SNX29: variants seen among roughly 807,000 people sequenced by gnomAD.
SNX29 encodes the protein sorting nexin-29.
SNX29 carries 78 observed loss-of-function variants against 102.1 expected under a neutral mutation model. The ratio of observed to expected loss-of-function variants is 0.76; its 90% confidence interval spans 0.64 to 0.92. The LOEUF (loss-of-function observed/expected upper bound fraction) is 0.92. SNX29 is among the 40% of genes least tolerant of loss of function. The probability of loss-of-function intolerance (pLI) is 0.00; values close to 1 mark genes in which losing one functional copy is unlikely to be tolerated. For synonymous variants in SNX29, 580 were observed against 414.5 expected, an observed-to-expected ratio of 1.40 and a Z score of -4.85; for missense variants, 1,280 against 1,061.7, an observed-to-expected ratio of 1.21 and a Z score of -2.86.
chr16:12,353,173 C>T (rs1030468644), intron 15 of SNX29, among the ~76,000 whole-genome samples: 3 of 152,184 alleles, frequency 2.0e-5, no homozygotes, highest in Non-Finnish European at 2.9e-5. Context: ...TCCCTAAGAT[C>T]CTAGCACTGT....
intron 15 of SNX29, among the ~76,000 whole-genome samples, chr16:12,307,686 G>C (rs763762084): frequency 1.3e-5 from 2 of 152,346 alleles, no homozygotes; most frequent in Middle Eastern, 3.4e-3. Flanking sequence ...CTGGAATGGC[G>C]TGGAGAATCT....
chr16:12,084,104 T>G (rs2052043318), intron 11 of SNX29, among the ~76,000 whole-genome samples: 1 of 152,118 alleles, frequency 6.6e-6, no homozygotes, highest in South Asian at 2.1e-4. Flanking sequence ...TGCAAGGCCC[T>G]CTGGTACTTC....
intron 20 of SNX29, among the ~76,000 whole-genome samples, chr16:12,553,977 A>G (rs1433038580): frequency 2.0e-5 from 3 of 152,060 alleles, no homozygotes. Flanking sequence ...ACAGGCATCC[A>G]CCACATTTGG....
chr16:12,430,301 G>A (rs557973900), intron 18 of SNX29, among the ~76,000 whole-genome samples: 2 of 152,226 alleles, frequency 1.3e-5, no homozygotes, highest in Non-Finnish European at 2.9e-5. Context: ...TCTGCACAGT[G>A]GGGGCAATGC....
At chr16:12,015,258 T>C (rs1242088716) in intron 3 of SNX29, among the ~76,000 whole-genome samples, 1 of 152,060 alleles carries the variant, frequency 6.6e-6, no homozygotes, top group Non-Finnish European at 1.5e-5. Flanking sequence ...TAATTTTTTA[T>C]ATTTTTTGGA....
At chr16:12,283,554 C>G (rs34880084) in intron 15 of SNX29, among the ~76,000 whole-genome samples, 15,789 of 151,976 alleles carry the variant, frequency 0.1, 1,120 homozygotes, top group South Asian at 0.27. Flanking sequence ...CTCTTGACTT[C>G]GTGATCCACC....
In SNX29 at chr16:12,108,568, T is replaced by C. The variant is rs572906461; in HGVS notation, c.1403-18065T>C. Among the ~76,000 whole-genome samples the C allele has an allele frequency of 1.3e-5, 2 of 152,292 alleles. 1 individual carries two copies. The highest frequency in any genetic ancestry group is 3.9e-4 in the East Asian group (2 of 5,170). On this transcript the variant is annotated intron_variant, in intron 11 of 20. Coordinates refer to ENST00000566228, the MANE Select transcript of SNX29 (RefSeq NM_032167.5). ...TTGGGTGACTACTATATCTGGGCAG[T>C]GTGCATGCGGGAACCTCCATAGCCT...
chr16:12,459,455 A>G (rs1567585173), intron 18 of SNX29, among the ~76,000 whole-genome samples: 1 of 152,116 alleles, frequency 6.6e-6, no homozygotes, highest in Non-Finnish European at 1.5e-5. Context: ...GGGAGCCCAG[A>G]GACAGGCTGG....
intron 18 of SNX29, among the ~76,000 whole-genome samples, chr16:12,458,402 G>T (rs1205657550): frequency 6.6e-6 from 1 of 152,210 alleles, no homozygotes; most frequent in Non-Finnish European, 1.5e-5. Flanking sequence ...GGAGGAAGAA[G>T]CATCAAACGC....
At chr16:12,371,627 A>G (rs374940106) in intron 16 of SNX29, among the ~76,000 whole-genome samples, 1 of 152,042 alleles carries the variant, frequency 6.6e-6, no homozygotes, top group East Asian at 1.9e-4. Context: ...CTGTTCGGGG[A>G]GAGTGGCTTC....
chr16:12,042,688 T>C (rs566338010), intron 4 of SNX29, among the ~76,000 whole-genome samples: 2 of 152,350 alleles, frequency 1.3e-5, no homozygotes, highest in South Asian at 4.1e-4. Flanking sequence ...TAGTATTCCA[T>C]TGTGTAAATG....
At chr16:12,434,997 C>G (rs538284002) in intron 18 of SNX29, among the ~76,000 whole-genome samples, 64 of 152,004 alleles carry the variant, frequency 4.2e-4, no homozygotes, top group African/African-American at 1.4e-3. Context: ...TTGGTCATCT[C>G]TTCATGGGGA....
intron 18 of SNX29, among the ~76,000 whole-genome samples, chr16:12,448,811 C>T (rs914795199): frequency 3.3e-5 from 5 of 152,166 alleles, no homozygotes; most frequent in African/African-American, 1.2e-4. Context: ...TCAGGTGCAT[C>T]AAACTGCCTT....
chr16:12,492,106 C>T (rs2088579723), intron 19 of SNX29, among the ~76,000 whole-genome samples: 1 of 152,232 alleles, frequency 6.6e-6, no homozygotes, highest in African/African-American at 2.4e-5. Context: ...AATCGCCACA[C>T]TGACTTCCAC....
At chr16:12,560,191 C>T (rs563474926) in intron 20 of SNX29, among the ~76,000 whole-genome samples, 1 of 136,764 alleles carries the variant, frequency 7.3e-6, no homozygotes, top group South Asian at 2.3e-4. Context: ...CACCATTTAA[C>T]TTGTGCTTGT....
intron 20 of SNX29, among the ~76,000 whole-genome samples, chr16:12,562,178 C>CT (rs1273630921): frequency 6.6e-6 from 1 of 152,144 alleles, no homozygotes; most frequent in Non-Finnish European, 1.5e-5. Flanking sequence ...GAGGTCTGAC[C>CT]TGAGCATAGG....
At chr16:12,561,175 C>G (rs1290615298) in intron 20 of SNX29, 5 of 230,264 alleles carry the variant, frequency 2.2e-5, no homozygotes, top group Admixed American at 5.7e-5. Flanking sequence ...GCTATTCAGC[C>G]TGGCATGCTC....
intron 19 of SNX29, among the ~76,000 whole-genome samples, chr16:12,492,165 G>C (rs943911514): frequency 6.6e-6 from 1 of 152,146 alleles, no homozygotes; most frequent in African/African-American, 2.4e-5. Flanking sequence ...AAGTGTTCCT[G>C]TTTCTCCACA....
chr16:12,196,559 A>G (rs1306392952), intron 13 of SNX29, among the ~76,000 whole-genome samples: 1 of 152,034 alleles, frequency 6.6e-6, no homozygotes, highest in Non-Finnish European at 1.5e-5. Flanking sequence ...AAACATCTCA[A>G]ATGTCCAACT....
Sources: allele counts gnomAD v4.1 joint callset (sites outside exome capture counted in the v4.1 genomes callset), GRCh38; gene constraint gnomAD v4.1.1; transcripts MANE v1.5; gene names NCBI Gene and HGNC (gene_info 2026-07-23, HGNC 2026-07-21).